XPO1: variants seen among roughly 807,000 people sequenced by gnomAD.
XPO1 encodes exportin 1, also known as exportin-1.
Under a neutral mutation model 133.3 loss-of-function variants are expected in XPO1, and 5 were observed. That is an observed-to-expected ratio of 0.04 (90% CI 0.02 to 0.08). The LOEUF (loss-of-function observed/expected upper bound fraction) is 0.08. Ranked by LOEUF, XPO1 falls within the 10% of genes least tolerant of loss-of-function variation. XPO1 has a pLI of 1.00. For missense variants in XPO1, 506 were observed against 1,267.5 expected (o/e 0.40, Z 9.12); for synonymous variants, 419 against 408.2 (o/e 1.03, Z -0.32).
chr2:61,534,179 G>A (rs542391552), intron 1 of XPO1: 1 of 246,994 alleles, frequency 4.0e-6, no homozygotes, highest in African/African-American at 2.2e-5. Flanking sequence ...CATTTATAAA[G>A]TATGCTAACC....
chr2:61,479,088 G>T, intron 24 of XPO1, 122 bp from the exon 25 acceptor site: 2 of 1,187,162 alleles, frequency 1.7e-6, no homozygotes, highest in Non-Finnish European at 2.3e-6. Flanking sequence ...AAAGTGGCTG[G>T]GTTTTAAATT....
intron 4 of XPO1, among the ~76,000 whole-genome samples, chr2:61,512,815 C>T (rs867644944): frequency 3.9e-5 from 6 of 152,248 alleles, no homozygotes; most frequent in Middle Eastern, 3.4e-3. Flanking sequence ...CTGAGACTGG[C>T]GGATCACTTG....
chr2:61,526,279 C>T (rs950402933), intron 3 of XPO1, 141 bp downstream of exon 3: 18 of 1,456,998 alleles, frequency 1.2e-5, no homozygotes, highest in African/African-American at 1.4e-5. Flanking sequence ...TAATTATATG[C>T]TTAAGACTAA....
chr2:61,488,399 G>C, intron 18 of XPO1, 128 bp from the exon 19 acceptor site: 1 of 1,194,258 alleles, frequency 8.4e-7, no homozygotes, highest in Non-Finnish European at 1.2e-6. Context: ...AAAATTTATT[G>C]GGAAAATAAG....
At chr2:61,525,374 A>G (rs752296551) in intron 3 of XPO1, 4 of 990,074 alleles carry the variant, frequency 4.0e-6, no homozygotes, top group Non-Finnish European at 4.8e-6. Context: ...TATGATTAAT[A>G]TCAGGTAGTG....
chr2:61,513,877 C>A (rs1467937575), intron 4 of XPO1, among the ~76,000 whole-genome samples: 3 of 152,026 alleles, frequency 2.0e-5, no homozygotes, highest in African/African-American at 7.2e-5. Flanking sequence ...AAGGGAATAG[C>A]CCAATAAAAA....
At chr2:61,506,991 AGGCCGAGACG>A (rs988988052) in intron 4 of XPO1, among the ~76,000 whole-genome samples, 1 of 152,068 alleles carries the variant, frequency 6.6e-6, no homozygotes, top group Non-Finnish European at 1.5e-5. Context: ...GCACTTTGGG[AGGCCGAGACG>A]GGCAGATCAT....
chr2:61,480,819 G>A (rs1477669559), intron 24 of XPO1, among the ~76,000 whole-genome samples: 1 of 151,954 alleles, frequency 6.6e-6, no homozygotes, highest in Admixed American at 6.6e-5. Flanking sequence ...AACAGCAGAA[G>A]AAAGACATTC....
At chr2:61,487,593 T>G (rs1344047624) in intron 19 of XPO1, among the ~76,000 whole-genome samples, 1 of 151,996 alleles carries the variant, frequency 6.6e-6, no homozygotes, top group Admixed American at 6.6e-5. Flanking sequence ...TATTAGAATT[T>G]TTTGGACTCT....
rs190169073 is a variant in XPO1, at chr2:61,529,438, A to G, written c.127-2917T>C. 1.8e-4 allele frequency among the ~76,000 whole-genome samples: 27 copies of G among 152,206 alleles called. No homozygotes were observed. The East Asian group carries it at 3.9e-3, about 22-fold the overall frequency. On this transcript the variant is annotated intron_variant, in intron 2 of 24. Transcript: ENST00000401558. ...TTTGGGTGGCCAAGGTGGGTGGATC[A>G]CGAGGTCAGAAGTTCAAGACCAGCC...
intron 17 of XPO1, among the ~76,000 whole-genome samples, 182 bp downstream of exon 17, chr2:61,490,460 A>G (rs1353426932): frequency 1.3e-5 from 2 of 152,134 alleles, no homozygotes; most frequent in Non-Finnish European, 2.9e-5. Flanking sequence ...CGGCCTTCCA[A>G]TGTGCCAGGA....
chr2:61,518,427 C>CACAT (rs140590447), intron 4 of XPO1, among the ~76,000 whole-genome samples: 16 of 24,292 alleles, frequency 6.6e-4, no homozygotes, highest in Non-Finnish European at 1.2e-3. Flanking sequence ...AACACACACA[C>CACAT]ACACACACAC....
At chr2:61,513,377 T>G (rs1698192100) in intron 4 of XPO1, among the ~76,000 whole-genome samples, 1 of 148,864 alleles carries the variant, frequency 6.7e-6, no homozygotes, top group African/African-American at 2.5e-5. Context: ...TTTTTTTTTT[T>G]TTTTTTGAGA....
rs75482019 is a variant in XPO1 at position 61,490,882 on chromosome 2, C to T, written c.1888-106G>A. On this transcript the variant is annotated intron_variant, in intron 16 of 24. Coordinates refer to ENST00000401558, the MANE Select transcript of XPO1 (RefSeq NM_003400.4). ...CTTGAAACTGATTTTGGCCCAGGTG[C>T]AGTGGATCACTCCTGTAATCCCAAT... 3,323 of 1,335,474 alleles carry T rather than the reference C, an allele frequency of 2.5e-3. 66 individuals carry two copies. In the African/African-American group the frequency reaches 0.04, roughly 16 times the overall value. 82.7% of individuals were successfully genotyped at this position (1,335,474 alleles called of 1,614,324 possible).
At chr2:61,517,739 C>T (rs1219738764) in intron 4 of XPO1, among the ~76,000 whole-genome samples, 3 of 152,048 alleles carry the variant, frequency 2.0e-5, no homozygotes, top group Non-Finnish European at 4.4e-5. Flanking sequence ...AGTTTAAAAC[C>T]AGCCTGGGCT....
At chr2:61,486,373 T>G (rs1166814568) in intron 19 of XPO1, among the ~76,000 whole-genome samples, 1 of 152,120 alleles carries the variant, frequency 6.6e-6, no homozygotes, top group Non-Finnish European at 1.5e-5. Flanking sequence ...AGGCTCAAAA[T>G]TCAGTGGGTG....
chr2:61,478,653 G>T lies in XPO1; in HGVS notation c.*167C>A. ...GACCAAAACAAAAGCTTAAACAATG[G>T]AAGGATATTTCACAGAAAATTTCTT... On this transcript the variant is annotated 3_prime_UTR_variant, in exon 25 of 25. Transcript: ENST00000401558. The T allele has an allele frequency of 1.6e-6, 1 of 643,606 alleles. No individual in the cohort carries two copies. Among genetic ancestry groups the T allele is most frequent in the Non-Finnish European group, 2.5e-6 (1 of 402,408 alleles). The allele number at this position is 643,606 out of a possible 1,614,324, so 39.9% of individuals were successfully genotyped here. A position where few individuals can be genotyped will look rare whatever the true frequency, so the allele number is the denominator to read the frequency against.
At chr2:61,494,474 GGT>G (rs1293560732) in intron 11 of XPO1, 1 of 187,546 alleles carries the variant, frequency 5.3e-6, no homozygotes, top group Non-Finnish European at 1.1e-5. Flanking sequence ...TAAAAAGTGA[GGT>G]ATTGATACAG....
chr2:61,517,249 T>A (rs774025862), intron 4 of XPO1, among the ~76,000 whole-genome samples: 17 of 152,194 alleles, frequency 1.1e-4, no homozygotes, highest in Non-Finnish European at 2.5e-4. Context: ...ATCATGACTC[T>A]GATAAAGAAT....
Sources: allele counts gnomAD v4.1 joint callset (sites outside exome capture counted in the v4.1 genomes callset), GRCh38; gene constraint gnomAD v4.1.1; transcripts MANE v1.5; gene names NCBI Gene and HGNC (gene_info 2026-07-23, HGNC 2026-07-21).